GRK3: variants seen among roughly 807,000 people sequenced by gnomAD.
GRK3 encodes the protein adrenergic, beta, receptor kinase 2.
GRK3 carries 54 observed loss-of-function variants against 95.7 expected under a neutral mutation model. That is an observed-to-expected ratio of 0.56 (90% confidence interval 0.45 to 0.71). GRK3 has a LOEUF of 0.71. Among genes scored for constraint, GRK3 ranks in the 30% least tolerant of loss-of-function variants. The probability of loss-of-function intolerance (pLI) is 0.00; values close to 1 mark genes in which losing one functional copy is unlikely to be tolerated. For synonymous variants in GRK3, 281 were observed against 290.8 expected (o/e 0.97, Z 0.34); for missense variants, 649 against 851.2 (o/e 0.76, Z 2.96).
At chr22:25,688,062 C>T (rs1485306070) in intron 11 of GRK3, among the ~76,000 whole-genome samples, 17 of 151,980 alleles carry the variant, frequency 1.1e-4, no homozygotes, top group African/African-American at 3.9e-4. Context: ...CAGTGAAACC[C>T]CGTCTCTACT....
intron 1 of GRK3, among the ~76,000 whole-genome samples, chr22:25,600,312 G>C (rs866963301): frequency 6.6e-5 from 10 of 151,938 alleles, no homozygotes; most frequent in Admixed American, 6.6e-5. Context: ...GCTAATTTTT[G>C]TATTTGTAGT....
chr22:25,624,442 T>C (rs1464094676), intron 2 of GRK3, among the ~76,000 whole-genome samples: 1 of 152,108 alleles, frequency 6.6e-6, no homozygotes, highest in Non-Finnish European at 1.5e-5. Flanking sequence ...CGGGCACCTG[T>C]AGTCCCAGCT....
intron 1 of GRK3, among the ~76,000 whole-genome samples, chr22:25,581,831 C>G (rs11090407): frequency 1.3e-5 from 2 of 151,818 alleles, no homozygotes; most frequent in African/African-American, 2.4e-5. Flanking sequence ...GTAACCCATG[C>G]TCTTTAAGAT....
chr22:25,581,279 A>T (rs1932092393), intron 1 of GRK3: 1 of 152,216 alleles, frequency 6.6e-6, no homozygotes, highest in Non-Finnish European at 1.5e-5. Context: ...TTTTCAAAAC[A>T]GTAGAGAAGA....
rs574987009 is a variant in GRK3 at position 25,680,645 on chromosome 22, A to C, written c.747+1730A>C. Among the ~76,000 whole-genome samples, 41 of 152,332 alleles carry C rather than the reference A, an allele frequency of 2.7e-4. 1 individual carries two copies. In the South Asian group the frequency reaches 6.0e-3, roughly 22 times the overall value. ...CCCTAAAAGAGTAAATTAAAAAATT[A>C]GGGTTATTTTGGGCTATCACTTTGA... On this transcript the variant is annotated intron_variant, in intron 9 of 20. Coordinates refer to ENST00000324198, the MANE Select transcript of GRK3 (RefSeq NM_005160.4).
chr22:25,602,494 G>T (rs1036700901), intron 1 of GRK3, among the ~76,000 whole-genome samples: 4 of 152,184 alleles, frequency 2.6e-5, no homozygotes, highest in South Asian at 2.1e-4. Context: ...AAATGAAAAC[G>T]CATGCCCATA....
At chr22:25,610,908 C>G (rs1325050881) in intron 2 of GRK3, among the ~76,000 whole-genome samples, 1 of 152,110 alleles carries the variant, frequency 6.6e-6, no homozygotes, top group Non-Finnish European at 1.5e-5. Context: ...GCTACCCAAG[C>G]TGGAGTGCAG....
intron 8 of GRK3, 67 bp from the exon 9 acceptor site, chr22:25,678,749 C>T: frequency 1.1e-6 from 1 of 929,774 alleles, no homozygotes; most frequent in African/African-American, 1.7e-5. Flanking sequence ...CCCAGAGTGA[C>T]ATATATTGTT....
chr22:25,703,009 T>C, intron 13 of GRK3: 1 of 393,898 alleles, frequency 2.5e-6, no homozygotes, highest in South Asian at 1.9e-5. Context: ...TCTGTTTTCA[T>C]CAAAGGGATG....
intron 17 of GRK3, among the ~76,000 whole-genome samples, chr22:25,711,374 C>A (rs1317234366): frequency 6.6e-6 from 1 of 152,010 alleles, no homozygotes; most frequent in Non-Finnish European, 1.5e-5. Flanking sequence ...TTTTGAGGAA[C>A]TACATGGTAA....
Position 25,703,550 on chromosome 22 carries a change from G to A in GRK3, c.1201G>A (p.Glu401Lys). The A allele has an allele frequency of 1.2e-6, 2 of 1,613,364 alleles. No homozygotes were observed. The highest frequency in any genetic ancestry group is 1.7e-6 in the Non-Finnish European group (2 of 1,179,474). Reference protein sequence around the residue: ...FRQHKTKDKHEIDRMTLTVNV... With the variant: ...FRQHKTKDKHKIDRMTLTVNV... ...ACAACATAAAACCAAAGACAAGCAT[G>A]AAATTGACCGAATGACACTCACCGT... The change falls in exon 14 of 21, where the codon GAA becomes AAA. Residue 401 changes from glutamate (E) to lysine (K), a missense_variant. By Grantham distance (56) the Glu-to-Lys change is moderately conservative. Transcript: ENST00000324198.
chr22:25,616,040 G>A (rs1309012229), intron 2 of GRK3, among the ~76,000 whole-genome samples: 4 of 150,410 alleles, frequency 2.7e-5, no homozygotes, highest in South Asian at 2.1e-4. Context: ...AGGGTGGAGA[G>A]TGGCCAGGCC....
intron 5 of GRK3, among the ~76,000 whole-genome samples, chr22:25,664,800 T>C (rs1315132421): frequency 6.6e-6 from 1 of 152,212 alleles, no homozygotes; most frequent in Admixed American, 6.5e-5. Flanking sequence ...ATTACAGGCA[T>C]GAGCCACCAT....
chr22:25,650,686 A>G (rs1357224745), intron 3 of GRK3, among the ~76,000 whole-genome samples: 2 of 152,244 alleles, frequency 1.3e-5, no homozygotes, highest in African/African-American at 4.8e-5. Flanking sequence ...GTTGGCATTC[A>G]TAGCTCCTCA....
chr22:25,615,230 G>T (rs1424758794), intron 2 of GRK3, among the ~76,000 whole-genome samples: 3 of 152,130 alleles, frequency 2.0e-5, no homozygotes, highest in Admixed American at 2.0e-4. Flanking sequence ...AAAATTATAT[G>T]CTCTGTCAAT....
At chr22:25,652,331 T>A (rs1320631383) in intron 3 of GRK3, among the ~76,000 whole-genome samples, 1 of 152,108 alleles carries the variant, frequency 6.6e-6, no homozygotes, top group East Asian at 1.9e-4. Flanking sequence ...CTCAGGAGGC[T>A]GAGGCAGGAG....
chr22:25,655,585 G>A (rs577021510), intron 3 of GRK3, among the ~76,000 whole-genome samples: 19 of 152,254 alleles, frequency 1.2e-4, no homozygotes, highest in African/African-American at 4.3e-4. Flanking sequence ...CTGCTTGTGT[G>A]TGTGTGGTCA....
chr22:25,672,449 C>T (rs2084990805), intron 7 of GRK3, 102 bp downstream of exon 7: 1 of 673,520 alleles, frequency 1.5e-6, no homozygotes. Context: ...CCAGAGGGTC[C>T]ACTGCCCAAA....
chr22:25,586,975 C>T (rs1209269094), intron 1 of GRK3, among the ~76,000 whole-genome samples: 4 of 151,884 alleles, frequency 2.6e-5, no homozygotes, highest in African/African-American at 9.7e-5. Context: ...TCCTCCACCT[C>T]CCATGTTCAA....
Sources: gnomAD v4.1 joint callset for allele counts (sites outside exome capture counted in the v4.1 genomes callset) on GRCh38, gnomAD v4.1.1 for gene constraint, MANE v1.5 for transcripts, NCBI Gene and HGNC (gene_info 2026-07-23, HGNC 2026-07-21) for gene names.